CHD1: variants seen among roughly 807,000 people sequenced by gnomAD.
CHD1 encodes chromodomain helicase DNA binding protein 1, also known as ATP-dependent chromatin remodeler CHD1.
In CHD1, 36 loss-of-function variants were observed where a neutral mutation model predicts 224.2. That is an observed-to-expected ratio of 0.16 (90% CI 0.12 to 0.21). CHD1 has a LOEUF of 0.21. CHD1 is among the 10% of genes least tolerant of loss of function. The pLI, the probability that CHD1 is intolerant of heterozygous loss-of-function variation, is 1.00. For synonymous variants in CHD1, 668 were observed against 658.3 expected (o/e 1.01, Z -0.23); for missense variants, 1,378 against 1,994.8 (o/e 0.69, Z 5.89).
At chr5:98,914,093 G>A (rs1275404995) in intron 2 of CHD1, among the ~76,000 whole-genome samples, 1 of 152,142 alleles carries the variant, frequency 6.6e-6, no homozygotes, top group East Asian at 1.9e-4. Context: ...ACAGCTCAGT[G>A]TAGTCATGTG....
At chr5:98,874,537 T>TAA (rs70984332) in intron 25 of CHD1, among the ~76,000 whole-genome samples, 13 of 88,252 alleles carry the variant, frequency 1.5e-4, no homozygotes, top group South Asian at 7.9e-4. Flanking sequence ...CCGTCTCTAC[T>TAA]AAAAAAAAAA....
At chr5:98,877,090 T>C in intron 23 of CHD1, among the ~76,000 whole-genome samples, 1 of 152,134 alleles carries the variant, frequency 6.6e-6, no homozygotes, top group East Asian at 1.9e-4. Flanking sequence ...GGAGGATCAT[T>C]TGACCCCAGG....
At chr5:98,868,811 T>C in intron 30 of CHD1, 176 bp from the exon 31 acceptor site, 1 of 691,916 alleles carries the variant, frequency 1.4e-6, no homozygotes, top group East Asian at 3.1e-5. Flanking sequence ...GGGGAAACAA[T>C]CAAAGCTACT....
intron 33 of CHD1, 124 bp from the exon 34 acceptor site, chr5:98,859,139 G>A: frequency 1.5e-6 from 1 of 662,574 alleles, no homozygotes. Context: ...ATGTTTATGT[G>A]TGTATATATA....
chr5:98,923,734 C>A (rs1398466536), intron 2 of CHD1, among the ~76,000 whole-genome samples: 1 of 151,808 alleles, frequency 6.6e-6, no homozygotes, highest in Non-Finnish European at 1.5e-5. Context: ...TTTTTTTTCA[C>A]CTGTAGTATC....
At chr5:98,875,145 G>C in intron 24 of CHD1, 32 bp from the exon 25 acceptor site, 1 of 1,276,024 alleles carries the variant, frequency 7.8e-7, no homozygotes, top group Non-Finnish European at 1.1e-6. Context: ...GTAAATGTGA[G>C]CTTCAGTATT....
At chr5:98,909,860 T>C (rs1752277953) in intron 2 of CHD1, among the ~76,000 whole-genome samples, 1 of 152,154 alleles carries the variant, frequency 6.6e-6, no homozygotes, top group South Asian at 2.1e-4. Context: ...CCCATCTTTT[T>C]CCAACAGGAA....
At chr5:98,921,445 A>G (rs2112649548) in intron 2 of CHD1, among the ~76,000 whole-genome samples, 1 of 152,348 alleles carries the variant, frequency 6.6e-6, no homozygotes, top group South Asian at 2.1e-4. Context: ...TGTTAAAATG[A>G]AGATTCTGAT....
chr5:98,879,455 A>G, intron 23 of CHD1, 97 bp downstream of exon 23: 4 of 1,092,376 alleles, frequency 3.7e-6, no homozygotes, highest in Non-Finnish European at 5.1e-6. Flanking sequence ...ATTACAAGAA[A>G]AGAAAACTAT....
intron 19 of CHD1, among the ~76,000 whole-genome samples, chr5:98,882,491 T>C (rs1750266444): frequency 6.6e-6 from 1 of 151,994 alleles, no homozygotes; most frequent in Non-Finnish European, 1.5e-5. Flanking sequence ...CATCACTCTA[T>C]ATAATGCAAA....
chr5:98,927,465 C>G (rs1172962392), intron 1 of CHD1, among the ~76,000 whole-genome samples: 1 of 152,118 alleles, frequency 6.6e-6, no homozygotes, highest in East Asian at 1.9e-4. Flanking sequence ...ACGATTATTT[C>G]CATTCCACAA....
intron 17 of CHD1, chr5:98,885,902 A>T: frequency 2.4e-6 from 1 of 408,710 alleles, no homozygotes; most frequent in Non-Finnish European, 4.4e-6. Flanking sequence ...CCCATTCTAA[A>T]AGTATGTGAT....
intron 28 of CHD1, among the ~76,000 whole-genome samples, chr5:98,871,288 A>G (rs1180974633): frequency 1.3e-5 from 2 of 150,686 alleles, no homozygotes; most frequent in Admixed American, 1.3e-4. Flanking sequence ...ACAGTAACAA[A>G]TGACAAAGCA....
chr5:98,882,106 T>A lies in CHD1; in HGVS notation c.2736A>T (p.Leu912=). The change falls in exon 20 of 36, where the codon CTA becomes CTT. Residue 912 remains leucine, a synonymous_variant. Coordinates refer to ENST00000614616, the MANE Select transcript of CHD1 (RefSeq NM_001270.4). The part of the protein sequence containing the change: ...GQKKQVNIYR[L]VTKGSVEEDI... Reference sequence around the variant, plus strand: ...CTTCTTCAACTGATCCCTTTGTAACTAGACGATAAATATTCACCTGTAAAA... The same window carrying A: ...CTTCTTCAACTGATCCCTTTGTAACAAGACGATAAATATTCACCTGTAAAA... The A allele has an allele frequency of 6.2e-7, 1 of 1,612,940 alleles. No homozygotes were observed.
chr5:98,858,894 GTTTA>G, intron 34 of CHD1, 66 bp downstream of exon 34: 1 of 972,626 alleles, frequency 1.0e-6, no homozygotes, highest in South Asian at 2.0e-5. Context: ...TTATCATTTG[GTTTA>G]TTTAAAACAA....
intron 2 of CHD1, among the ~76,000 whole-genome samples, chr5:98,920,915 G>C (rs780841558): frequency 2.0e-5 from 3 of 152,042 alleles, no homozygotes; most frequent in Non-Finnish European, 4.4e-5. Context: ...AACTCTCACA[G>C]ATGAAAGGAG....
intron 22 of CHD1, among the ~76,000 whole-genome samples, chr5:98,880,450 C>T (rs571911556): frequency 1.3e-5 from 2 of 152,234 alleles, no homozygotes; most frequent in African/African-American, 4.8e-5. Flanking sequence ...GTAGGTGTTC[C>T]ATAAATATTT....
rs532009467 is a variant in CHD1 at position 98,923,633 on chromosome 5, C to T, written c.53+2701G>A. On this transcript the variant is annotated intron_variant, in intron 2 of 35. Coordinates refer to ENST00000614616, the MANE Select transcript of CHD1 (RefSeq NM_001270.4). ...TTCTCCATGTTGGTCAAGGTGGTCT[C>T]GAACTCCCAACCTCAGGTGATCTGC... Among the ~76,000 whole-genome samples, 20 of 152,080 alleles carry T rather than the reference C, an allele frequency of 1.3e-4. No homozygotes were observed. The South Asian group carries it at 4.0e-3, about 30-fold the overall frequency.
chr5:98,917,377 T>C lies in CHD1; in HGVS notation c.53+8957A>G, dbSNP rs7725812. 5.1e-3 allele frequency among the ~76,000 whole-genome samples: 771 copies of C among 151,458 alleles called. 9 individuals are homozygous for C. The highest frequency in any genetic ancestry group is 0.018 in the African/African-American group (740 of 41,162). On this transcript the variant is annotated intron_variant, in intron 2 of 35. Transcript: ENST00000614616. ...GATCAAACTTCACTCCTACATTTGA[T>C]TGGCCACAGATTTTAGTATCTCTCT...
Sources: gnomAD v4.1 joint callset for allele counts (sites outside exome capture counted in the v4.1 genomes callset) on GRCh38, gnomAD v4.1.1 for gene constraint, MANE v1.5 for transcripts, NCBI Gene and HGNC (gene_info 2026-07-23, HGNC 2026-07-21) for gene names.